The following TTLL5 variants were observed in gnomAD, a reference collection of about 807,000 sequenced individuals.
TTLL5 encodes the protein tubulin polyglutamylase TTLL5.
In TTLL5, 132 loss-of-function variants were observed where a neutral mutation model predicts 168.4. That is an observed-to-expected ratio of 0.78 (90% confidence interval 0.68 to 0.91). TTLL5 has a LOEUF of 0.91. Among genes scored for constraint, TTLL5 ranks in the 40% least tolerant of loss-of-function variants. The pLI is 0.00. For missense variants in TTLL5, 1,545 were observed against 1,581.5 expected (o/e 0.98, Z 0.39); for synonymous variants, 546 against 558.6 (o/e 0.98, Z 0.32).
intron 30 of TTLL5, among the ~76,000 whole-genome samples, chr14:75,895,618 T>C (rs1417447093): frequency 6.6e-6 from 1 of 152,168 alleles, no homozygotes; most frequent in Non-Finnish European, 1.5e-5. Context: ...TTATAAAATA[T>C]TTTAAACTGT....
chr14:75,830,314 T>G (rs1895489951), intron 28 of TTLL5, among the ~76,000 whole-genome samples: 1 of 152,220 alleles, frequency 6.6e-6, no homozygotes, highest in Non-Finnish European at 1.5e-5. Context: ...CTTGCATTCT[T>G]CTTCATAAGT....
intron 31 of TTLL5, among the ~76,000 whole-genome samples, chr14:75,940,135 A>G (rs1490995365): frequency 2.3e-5 from 3 of 128,342 alleles, no homozygotes; most frequent in African/African-American, 9.2e-5. Flanking sequence ...GCTGGAGTGC[A>G]GTGGCGCGAT....
intron 31 of TTLL5, among the ~76,000 whole-genome samples, chr14:75,937,832 A>G (rs1398856425): frequency 1.3e-5 from 2 of 152,182 alleles, no homozygotes; most frequent in South Asian, 2.1e-4. Flanking sequence ...GTGCAAATAT[A>G]TGTTTGTGTC....
chr14:75,757,896 T>G, intron 18 of TTLL5: 1 of 1,583,598 alleles, frequency 6.3e-7, no homozygotes, highest in South Asian at 1.1e-5. Context: ...AGTTGAGAAA[T>G]GCTTTCCATG....
At chr14:75,826,961 G>T (rs571461926) in intron 28 of TTLL5, among the ~76,000 whole-genome samples, 1 of 152,042 alleles carries the variant, frequency 6.6e-6, no homozygotes, top group South Asian at 2.1e-4. Context: ...GACTCTCAGC[G>T]TATTACCTAC....
intron 2 of TTLL5, among the ~76,000 whole-genome samples, chr14:75,666,651 A>C (rs2140083242): frequency 6.6e-6 from 1 of 152,314 alleles, no homozygotes; most frequent in Non-Finnish European, 1.5e-5. Context: ...GACTTTAGGT[A>C]GGCCTTGGAG....
intron 28 of TTLL5, among the ~76,000 whole-genome samples, chr14:75,857,716 A>G (rs1897204637): frequency 6.6e-6 from 1 of 151,536 alleles, no homozygotes; most frequent in Non-Finnish European, 1.5e-5. Flanking sequence ...CAGTGGCACA[A>G]TCTCCGCTCA....
At chr14:75,702,966 C>G (rs17103585) in intron 7 of TTLL5, among the ~76,000 whole-genome samples, 2,177 of 152,274 alleles carry the variant, frequency 0.014, 127 homozygotes, top group East Asian at 0.1. Flanking sequence ...TTACCCAGAC[C>G]TGCAAACCAT....
chr14:75,871,047 G>A (rs996601264), intron 29 of TTLL5, among the ~76,000 whole-genome samples: 31 of 151,616 alleles, frequency 2.0e-4, no homozygotes, highest in African/African-American at 6.5e-4. Flanking sequence ...GCCCACCCTC[G>A]GCCTCCCAAA....
At chr14:75,836,132 A>G (rs1236775591) in intron 28 of TTLL5, among the ~76,000 whole-genome samples, 1 of 152,228 alleles carries the variant, frequency 6.6e-6, no homozygotes, top group African/African-American at 2.4e-5. Context: ...TAAGATTTGG[A>G]AGCAACCTAA....
intron 31 of TTLL5, among the ~76,000 whole-genome samples, chr14:75,913,483 G>A (rs934239622): frequency 1.3e-5 from 2 of 152,092 alleles, no homozygotes; most frequent in Non-Finnish European, 1.5e-5. Flanking sequence ...CCTGGAATGC[G>A]AGGATCAGGT....
intron 9 of TTLL5, chr14:75,712,463 A>G (rs1293726642): frequency 7.3e-6 from 1 of 136,848 alleles, no homozygotes; most frequent in Non-Finnish European, 1.5e-5. Context: ...ATAAGAAGAT[A>G]TTGGTATCAA....
At chr14:75,669,579 C>A in intron 3 of TTLL5, 57 bp downstream of exon 3, 1 of 1,482,520 alleles carries the variant, frequency 6.7e-7, no homozygotes, top group South Asian at 1.3e-5. Context: ...ACGTCCTTGT[C>A]TTAAAGAAGT....
At chr14:75,703,357 G>A (rs1031555647) in intron 7 of TTLL5, among the ~76,000 whole-genome samples, 3 of 152,274 alleles carry the variant, frequency 2.0e-5, no homozygotes, top group Admixed American at 6.5e-5. Flanking sequence ...TTACGAGAAC[G>A]AGATAAAGGA....
intron 12 of TTLL5, 56 bp downstream of exon 12, chr14:75,720,759 A>G: frequency 6.8e-7 from 1 of 1,467,864 alleles, no homozygotes; most frequent in East Asian, 2.3e-5. Context: ...GGGAAGTTGG[A>G]CGGGATTTTA....
In TTLL5 at chr14:75,869,821, A is replaced by ATTTTTTTTTTTTTTTTTTTTTTTT. The variant is rs10658095; in HGVS notation, c.3522+5975_3522+5976insTTTTTTTTTTTTTTTTTTTTTTTT. Among the ~76,000 whole-genome samples, 5 of 82,414 alleles carry ATTTTTTTTTTTTTTTTTTTTTTTT rather than the reference A, an allele frequency of 6.1e-5. 1 individual carries two copies. The highest frequency in any genetic ancestry group is 2.0e-4 in the African/African-American group (4 of 20,010). 54.1% of individuals were successfully genotyped at this position (82,414 alleles called of 152,430 possible). A position where few individuals can be genotyped will look rare whatever the true frequency, so the allele number is the denominator to read the frequency against. On this transcript the variant is annotated intron_variant, in intron 29 of 31. Coordinates refer to ENST00000298832, the MANE Select transcript of TTLL5 (RefSeq NM_015072.5). ...CTTGCAATGTATACATTCAACAAGT[A>ATTTTTTTTTTTTTTTTTTTTTTTT]TTTTTTTTTTTTTTTTGCGATGGAG...
intron 27 of TTLL5, among the ~76,000 whole-genome samples, chr14:75,816,987 T>TA (rs1427907053): frequency 4.1e-5 from 6 of 145,610 alleles, no homozygotes; most frequent in Non-Finnish European, 9.1e-5. Flanking sequence ...TTTTTTTTTT[T>TA]TTTTTTTTTT....
chr14:75,758,928 T>C (rs1032130953), intron 18 of TTLL5, among the ~76,000 whole-genome samples: 5 of 152,040 alleles, frequency 3.3e-5, no homozygotes, highest in Non-Finnish European at 7.4e-5. Context: ...CCTTGGAAAA[T>C]TGAGGACTGA....
At chr14:75,875,462 T>C (rs1436887354) in intron 29 of TTLL5, among the ~76,000 whole-genome samples, 1 of 151,112 alleles carries the variant, frequency 6.6e-6, no homozygotes, top group Non-Finnish European at 1.5e-5. Flanking sequence ...GGCAGGAGAA[T>C]TGCTTGGAGT....
Sources: gnomAD v4.1 joint callset for allele counts (sites outside exome capture counted in the v4.1 genomes callset) on GRCh38, gnomAD v4.1.1 for gene constraint, MANE v1.5 for transcripts, NCBI Gene and HGNC (gene_info 2026-07-23, HGNC 2026-07-21) for gene names.